The following PHIP variants were observed in gnomAD, a reference collection of about 807,000 sequenced individuals.
PHIP encodes PH-interacting protein.
A neutral mutation model predicts 236.8 loss-of-function variants in PHIP; 54 were observed. The ratio of observed to expected loss-of-function variants is 0.23; its 90% CI spans 0.18 to 0.29. PHIP has a LOEUF of 0.29. PHIP is among the 10% of genes least tolerant of loss of function. The pLI is 1.00. For synonymous variants in PHIP, 756 were observed against 718.9 expected, an observed-to-expected ratio of 1.05 and a Z score of -0.83; for missense variants, 1,370 against 2,190.8, an observed-to-expected ratio of 0.63 and a Z score of 7.48.
At chr6:79,048,073 A>G (rs1180831036) in intron 6 of PHIP, among the ~76,000 whole-genome samples, 1 of 151,368 alleles carries the variant, frequency 6.6e-6, no homozygotes, top group African/African-American at 2.4e-5. Flanking sequence ...CCAAAATTTT[A>G]ATCTTACAAT....
At chr6:79,007,978 C>T (rs1582213490) in intron 15 of PHIP, among the ~76,000 whole-genome samples, 1 of 152,020 alleles carries the variant, frequency 6.6e-6, no homozygotes, top group African/African-American at 2.4e-5. Flanking sequence ...CATGGTGAAG[C>T]CCTGTCTCTA....
At chr6:79,059,626 A>ATATATATATATATATAT (rs1562216785) in intron 6 of PHIP, among the ~76,000 whole-genome samples, 116 of 43,114 alleles carry the variant, frequency 2.7e-3, no homozygotes, top group Middle Eastern at 0.011. Context: ...TATATATATA[A>ATATATATATATATATAT]AAATGCCAAA....
chr6:78,972,489 AC>A (rs1276428270), intron 24 of PHIP, among the ~76,000 whole-genome samples: 1 of 152,262 alleles, frequency 6.6e-6, no homozygotes, highest in Non-Finnish European at 1.5e-5. Flanking sequence ...CTCCAAAGGA[AC>A]ACAGCTCCTC....
In PHIP at chr6:78,940,782, C is replaced by T. The variant is rs751648914; in HGVS notation, c.5377G>A (p.Glu1793Lys). The T allele has an allele frequency of 5.0e-6, 8 of 1,613,768 alleles. No individual in the cohort carries two copies. In the Admixed American group the frequency reaches 8.3e-5, roughly 17 times the overall value. The change falls in exon 40 of 40, where the codon GAA becomes AAA. Residue 1793 changes from glutamate (E) to lysine (K), a missense_variant. By Grantham distance (56) the Glu-to-Lys change is moderately conservative. Coordinates refer to ENST00000275034, the MANE Select transcript of PHIP (RefSeq NM_017934.7). ...SEEEQRQLLF[E>K]DTSLTFGTSS... is the part of the protein sequence containing the mutation. ...GTTCCAAAAGTTAAAGAGGTGTCTTCGAACAACAGCTGCCTTTGCTCCTCT... is the reference window on the plus strand; with the variant it reads ...GTTCCAAAAGTTAAAGAGGTGTCTTTGAACAACAGCTGCCTTTGCTCCTCT...
rs761985285 is a variant in PHIP at position 78,998,235 on chromosome 6, A to C, written c.2017+19T>G. ...TTCAAATTTTTAAATATTTCACTTA[A>C]AATAGAATACCTGCTTACCTCTACT... On this transcript the variant is annotated intron_variant, in intron 18 of 39. Coordinates refer to ENST00000275034, the MANE Select transcript of PHIP (RefSeq NM_017934.7). 5.6e-6 allele frequency: 9 copies of C among 1,596,186 alleles called. No homozygotes were observed. In the East Asian group the frequency reaches 2.0e-4, roughly 36 times the overall value.
At chr6:79,070,852 T>A (rs548766032) in intron 4 of PHIP, among the ~76,000 whole-genome samples, 3 of 152,328 alleles carry the variant, frequency 2.0e-5, no homozygotes, top group East Asian at 1.9e-4. Flanking sequence ...ATTTTAAAAA[T>A]TTTTTATGTA....
intron 9 of PHIP, among the ~76,000 whole-genome samples, chr6:79,025,305 A>AG (rs924656561): frequency 2.2e-4 from 11 of 49,482 alleles, no homozygotes; most frequent in Non-Finnish European, 3.9e-4. Context: ...TAGGATAAAG[A>AG]GAAAAAAAAT....
At chr6:78,963,058 C>A in intron 30 of PHIP, 39 bp downstream of exon 30, 1 of 1,526,020 alleles carries the variant, frequency 6.6e-7, no homozygotes, top group South Asian at 1.3e-5. Flanking sequence ...ACTTTGTGTT[C>A]TGCCAGTTTT....
rs114362410 is a variant in PHIP, at chr6:78,951,259, T to C, written c.4054-3484A>G. On this transcript the variant is annotated intron_variant, in intron 35 of 39. Coordinates refer to ENST00000275034, the MANE Select transcript of PHIP (RefSeq NM_017934.7). ...ATTTTATTTATGTAGAATACTTAAT[T>C]TTTCTTGGCTCATATCTTGGGCTTA... Among the ~76,000 whole-genome samples the C allele has an allele frequency of 7.2e-3, 1,100 of 152,292 alleles. 13 individuals are homozygous for C. The highest frequency in any genetic ancestry group is 0.025 in the African/African-American group (1,021 of 41,570).
At chr6:79,065,901 A>T (rs1473114372) in intron 4 of PHIP, among the ~76,000 whole-genome samples, 1 of 151,914 alleles carries the variant, frequency 6.6e-6, no homozygotes, top group Non-Finnish European at 1.5e-5. Context: ...ATTCTTCATA[A>T]ATATTAATCC....
intron 30 of PHIP, among the ~76,000 whole-genome samples, chr6:78,962,505 T>C (rs1050890000): frequency 3.4e-5 from 5 of 146,852 alleles, no homozygotes; most frequent in Non-Finnish European, 7.4e-5. Context: ...CATCCAGCTC[T>C]TCTTACTCAT....
intron 4 of PHIP, among the ~76,000 whole-genome samples, chr6:79,076,048 T>C (rs1332525440): frequency 6.6e-6 from 1 of 152,176 alleles, no homozygotes; most frequent in Non-Finnish European, 1.5e-5. Context: ...TCCTTGAAAA[T>C]TAACACACGT....
Position 79,019,093 on chromosome 6 carries a change from A to G in PHIP, c.990T>C (p.Ser330=), listed in dbSNP as rs1344797944. The change falls in exon 10 of 40, where the codon AGT becomes AGC. Residue 330 remains serine, a synonymous_variant. Transcript: ENST00000275034. ...ATTAGAATGAGGGAAACTTACCAGC[A>G]CTAAAAGAAGAACAGATCATTTGAA... ...PGVQMICSSF[S]AGGMFLATGS... 6.2e-7 allele frequency: 1 copy of G among 1,610,898 alleles called. No individual in the cohort carries two copies. The highest frequency in any genetic ancestry group is 1.1e-5 in the South Asian group (1 of 91,000).
At chr6:78,951,533 C>G (rs1293324631) in intron 35 of PHIP, among the ~76,000 whole-genome samples, 2 of 152,120 alleles carry the variant, frequency 1.3e-5, no homozygotes, top group East Asian at 3.9e-4. Flanking sequence ...AGTAGATTAT[C>G]CGAAGTTTTC....
chr6:78,987,315 T>A (rs974970508), intron 21 of PHIP, among the ~76,000 whole-genome samples: 1 of 152,110 alleles, frequency 6.6e-6, no homozygotes, highest in Non-Finnish European at 1.5e-5. Flanking sequence ...TGTATGTCTA[T>A]CCAAATTACC....
Position 78,982,876 on chromosome 6 carries a change from A to G in PHIP, c.2769+10T>C, listed in dbSNP as rs745476222. 1.3e-6 allele frequency: 2 copies of G among 1,525,410 alleles called. No homozygotes were observed. Among genetic ancestry groups the G allele is most frequent in the African/African-American group, 1.4e-5 (1 of 71,504 alleles). The allele number at this position is 1,525,410 out of a possible 1,614,324, so 94.5% of individuals were successfully genotyped here. A position where few individuals can be genotyped will look rare whatever the true frequency, so the allele number is the denominator to read the frequency against. On this transcript the variant is annotated intron_variant, in intron 23 of 39. Transcript: ENST00000275034. The stretch of plus-strand genomic sequence containing the variant: ...AGAAAACACCAAATTTGTAATGTTA[A>G]AAACCAAACCTTTTGTTTTCTTTCT...
At chr6:78,955,157 G>T in intron 34 of PHIP, 75 bp downstream of exon 34, 4 of 1,069,810 alleles carry the variant, frequency 3.7e-6, no homozygotes, top group Non-Finnish European at 2.7e-6. Context: ...AATGCTAAGA[G>T]TAAAAAAATA....
At position 79,078,245 on chromosome 6, in the gene PHIP, G is replaced by A. The variant is rs1030302745; in HGVS notation, c.-177C>T. The A allele has an allele frequency of 3.9e-5, 23 of 596,878 alleles. No individual in the cohort carries two copies. The highest frequency in any genetic ancestry group is 1.6e-4 in the East Asian group (5 of 31,558). 37.0% of individuals were successfully genotyped at this position (596,878 alleles called of 1,614,324 possible). A position where few individuals can be genotyped will look rare whatever the true frequency, so the allele number is the denominator to read the frequency against. On this transcript the variant is annotated 5_prime_UTR_variant, in exon 1 of 40. Transcript: ENST00000275034. ...GAGGAGGAGGAAACAACAACTCTCA[G>A]GCAGCGACTACGGCCGTGGCCGCCT...
intron 18 of PHIP, among the ~76,000 whole-genome samples, chr6:78,997,956 T>C: frequency 6.6e-6 from 1 of 152,202 alleles, no homozygotes; most frequent in Non-Finnish European, 1.5e-5. Flanking sequence ...TAAAGTTTAA[T>C]AATATACAAC....
Sources: allele counts gnomAD v4.1 joint callset (sites outside exome capture counted in the v4.1 genomes callset), GRCh38; gene constraint gnomAD v4.1.1; transcripts MANE v1.5; gene names NCBI Gene and HGNC (gene_info 2026-07-23, HGNC 2026-07-21).